The following CMTM4 variants were observed in gnomAD, a reference collection of about 807,000 sequenced individuals.
CMTM4 encodes CKLF-like MARVEL transmembrane domain-containing protein 4.
In CMTM4, 8 loss-of-function variants were observed where a neutral mutation model predicts 19.0. The ratio of observed to expected loss-of-function variants is 0.42; its 90% CI spans 0.25 to 0.76. The LOEUF is 0.76. Among genes scored for constraint, CMTM4 ranks in the 30% least tolerant of loss-of-function variants. CMTM4 has a pLI of 0.27. For missense variants in CMTM4, 228 were observed against 290.2 expected (o/e 0.79, Z 1.56); for synonymous variants, 106 against 121.1 (o/e 0.88, Z 0.82).
Position 66,620,848 on chromosome 16 carries a change from T to C in CMTM4, c.*1210A>G, listed in dbSNP as rs2015618114. 1 of 985,642 alleles carries C rather than the reference T, an allele frequency of 1.0e-6. No individual in the cohort carries two copies. The allele number at this position is 985,642 out of a possible 1,614,324, so 61.1% of individuals were successfully genotyped here. ...CTCTCTAATTTTTTAAAAAAACTAC[T>C]GCATCATGGGGACTCACTGAACTCA... On this transcript the variant is annotated 3_prime_UTR_variant, in exon 4 of 4. Transcript: ENST00000394106.
chr16:66,670,037 A>G (rs1596950174), intron 1 of CMTM4, among the ~76,000 whole-genome samples: 1 of 152,336 alleles, frequency 6.6e-6, no homozygotes, highest in East Asian at 1.9e-4. Flanking sequence ...AAACAAAGCA[A>G]TTTTCAAAAT....
Position 66,681,180 on chromosome 16 carries a change from A to G in CMTM4, c.186+15160T>C, listed in dbSNP as rs562397813. 2.0e-5 allele frequency among the ~76,000 whole-genome samples: 3 copies of G among 152,172 alleles called. No homozygotes were observed. In the South Asian group the frequency reaches 6.2e-4, roughly 32 times the overall value. Reference sequence around the variant, plus strand: ...TGAGGCAGAAGGATCACTTGAGGCCAGGAGTTCCAGACCAGCCTGGGCAAC... The same window carrying G: ...TGAGGCAGAAGGATCACTTGAGGCCGGGAGTTCCAGACCAGCCTGGGCAAC... On this transcript the variant is annotated intron_variant, in intron 1 of 3. Transcript: ENST00000394106.
intron 1 of CMTM4, among the ~76,000 whole-genome samples, chr16:66,683,129 G>GTATA (rs751833787): frequency 6.0e-5 from 7 of 115,954 alleles, no homozygotes; most frequent in African/African-American, 2.3e-4. Flanking sequence ...GTGTGTGTGT[G>GTATA]TATATATATA....
At chr16:66,662,130 A>C (rs1314991028) in intron 1 of CMTM4, among the ~76,000 whole-genome samples, 2 of 152,304 alleles carry the variant, frequency 1.3e-5, no homozygotes, top group Middle Eastern at 3.4e-3. Flanking sequence ...AAGTATCATA[A>C]ATTTGGAATT....
At position 66,616,268 on chromosome 16, in the gene CMTM4, C is replaced by T. The variant is rs2015524883; in HGVS notation, c.*5790G>A. 1 of 151,886 alleles carries T rather than the reference C, an allele frequency of 6.6e-6. No individual in the cohort carries two copies. Among genetic ancestry groups the T allele is most frequent in the African/African-American group, 2.4e-5 (1 of 41,332 alleles). 9.4% of individuals were successfully genotyped at this position (151,886 alleles called of 1,614,324 possible). ...AAGTGATTATTTGCCTTAAAATATA[C>T]AAAGAATTGCCTACTTTGAAAAAAA... On this transcript the variant is annotated 3_prime_UTR_variant, in exon 4 of 4. Transcript: ENST00000394106.
At chr16:66,680,773 CAAAAAAA>C (rs35127974) in intron 1 of CMTM4, among the ~76,000 whole-genome samples, 5 of 32,258 alleles carry the variant, frequency 1.5e-4, no homozygotes, top group Non-Finnish European at 2.8e-4. Context: ...GACTCCGTCT[CAAAAAAA>C]AAAAAAAAAA....
chr16:66,622,537 C>T lies in CMTM4; in HGVS notation c.463-315G>A, dbSNP rs960760036. 2.6e-5 allele frequency among the ~76,000 whole-genome samples: 4 copies of T among 152,174 alleles called. No individual in the cohort carries two copies. The highest frequency in any genetic ancestry group is 9.7e-5 in the African/African-American group (4 of 41,422). ...AAATCTTGCCTGACCTAAAGACAGCCTAAGGTTTCTTTTGAAGTATTTTGG... is the reference window on the plus strand; with the variant it reads ...AAATCTTGCCTGACCTAAAGACAGCTTAAGGTTTCTTTTGAAGTATTTTGG... On this transcript the variant is annotated intron_variant, in intron 3 of 3. Transcript: ENST00000394106. This position sits in a 1 kb window ranked among gnomAD's most constrained non-coding sequence, Gnocchi z 4.0.
chr16:66,683,176 C>CATAT (rs71378404), intron 1 of CMTM4, among the ~76,000 whole-genome samples: 2,740 of 105,832 alleles, frequency 0.026, 75 homozygotes, highest in Non-Finnish European at 0.036. Context: ...TATATATATA[C>CATAT]ATATGTATAT....
At chr16:66,660,854 G>C (rs961062510) in intron 1 of CMTM4, among the ~76,000 whole-genome samples, 1 of 152,144 alleles carries the variant, frequency 6.6e-6, no homozygotes, top group Non-Finnish European at 1.5e-5. Context: ...CCCATAGTCA[G>C]CTCTTCCCTC....
chr16:66,600,136 GTTTTTTTTT>G, the CMTM4 span, among the ~76,000 whole-genome samples: 9 of 135,154 alleles, frequency 6.7e-5, 1 homozygote, highest in Middle Eastern at 3.6e-3. Context: ...GTGTGTGTGT[GTTTTTTTTT>G]GTTTTTTTTT....
intron 2 of CMTM4, among the ~76,000 whole-genome samples, chr16:66,625,380 G>A (rs1033047070): frequency 9.9e-5 from 15 of 151,130 alleles, no homozygotes; most frequent in African/African-American, 3.7e-4. Flanking sequence ...GTTGCAGTGA[G>A]CCAAGACTGC....
At chr16:66,671,245 A>T (rs561436319) in intron 1 of CMTM4, among the ~76,000 whole-genome samples, 2 of 152,274 alleles carry the variant, frequency 1.3e-5, no homozygotes, top group African/African-American at 4.8e-5. Flanking sequence ...AGAAACAGGG[A>T]AGCCTTCTCA....
intron 2 of CMTM4, among the ~76,000 whole-genome samples, chr16:66,628,328 G>A (rs1044940148): frequency 1.3e-4 from 20 of 152,202 alleles, no homozygotes; most frequent in African/African-American, 3.6e-4. Context: ...GCTGGGGGAC[G>A]GTCAGGTCTT....
At chr16:66,611,113 G>C (rs1251284039), downstream of CMTM4, 4 of 381,092 alleles carry the variant, frequency 1.0e-5, no homozygotes, top group African/African-American at 8.3e-5. Flanking sequence ...TTTCACATAT[G>C]TAACAATTAT....
chr16:66,679,308 T>C (rs2016864909), intron 1 of CMTM4, among the ~76,000 whole-genome samples: 1 of 152,102 alleles, frequency 6.6e-6, no homozygotes, highest in Non-Finnish European at 1.5e-5. Context: ...TGGGAAAAGA[T>C]GGCTTCCAGC....
downstream of CMTM4, chr16:66,609,798 T>A (rs1165387819): frequency 4.3e-6 from 7 of 1,613,500 alleles, no homozygotes; most frequent in Non-Finnish European, 5.1e-6. The surrounding 1 kb of genome is among the most constrained non-coding windows in gnomAD (Gnocchi z 4.4). Context: ...TCCAAGCAGA[T>A]CTGAAATGGG....
chr16:66,605,192 C>T, the CMTM4 span: 2 of 388,624 alleles, frequency 5.1e-6, no homozygotes, highest in Non-Finnish European at 9.2e-6. This position sits in a 1 kb window ranked among gnomAD's most constrained non-coding sequence, Gnocchi z 4.6. Flanking sequence ...GAGTCCAGAG[C>T]TGGGGGCCGT....
At chr16:66,649,297 G>T (rs2016265491) in intron 1 of CMTM4, among the ~76,000 whole-genome samples, 1 of 152,032 alleles carries the variant, frequency 6.6e-6, no homozygotes, top group African/African-American at 2.4e-5. Context: ...TTTTAAAGTA[G>T]TATTTAGGCA....
chr16:66,621,262 C>G lies in CMTM4; in HGVS notation c.*796G>C. 1 of 985,512 alleles carries G rather than the reference C, an allele frequency of 1.0e-6. No individual in the cohort carries two copies. Among genetic ancestry groups the G allele is most frequent in the African/African-American group, 1.7e-5 (1 of 57,372 alleles). The allele number at this position is 985,512 out of a possible 1,614,324, so 61.0% of individuals were successfully genotyped here. On this transcript the variant is annotated 3_prime_UTR_variant, in exon 4 of 4. Transcript: ENST00000394106. ...CAAGTGCTTTGGCTGGTGGAGTAGG[C>G]TTGTTTCTTTCATGGCTTTTACCTG...
Sources: allele counts gnomAD v4.1 joint callset (sites outside exome capture counted in the v4.1 genomes callset), GRCh38; gene constraint gnomAD v4.1.1; non-coding constraint Gnocchi (gnomAD v3.1); transcripts MANE v1.5; gene names NCBI Gene and HGNC (gene_info 2026-07-23, HGNC 2026-07-21).